The following SLC7A2 variants were observed in gnomAD, a reference collection of about 807,000 sequenced individuals.
SLC7A2 encodes solute carrier family 7 member 2.
SLC7A2 carries 48 observed loss-of-function variants against 58.9 expected under a neutral mutation model. The ratio of observed to expected loss-of-function variants is 0.82; its 90% CI spans 0.65 to 1.04. The LOEUF (loss-of-function observed/expected upper bound fraction) is 1.04, where lower values mean the gene tolerates loss of function less well. SLC7A2 is among the 50% of genes least tolerant of loss of function. The pLI is 0.00. For missense variants in SLC7A2, 1,029 were observed against 818.8 expected (o/e 1.26, Z -3.13); for synonymous variants, 363 against 314.5 (o/e 1.15, Z -1.63).
chr8:17,505,760 T>G (rs552995303), intron 2 of SLC7A2, among the ~76,000 whole-genome samples: 2 of 152,332 alleles, frequency 1.3e-5, no homozygotes, highest in East Asian at 3.9e-4. Context: ...AAATCTAATC[T>G]TGCCAGTTCA....
intron 2 of SLC7A2, 83 bp from the exon 3 acceptor site, chr8:17,543,235 C>A: frequency 7.9e-7 from 1 of 1,262,762 alleles, no homozygotes; most frequent in African/African-American, 1.5e-5. Context: ...CACACACATA[C>A]TCTAATTGTG....
chr8:17,502,637 T>A (rs1043260395), intron 2 of SLC7A2, among the ~76,000 whole-genome samples: 1 of 152,190 alleles, frequency 6.6e-6, no homozygotes, highest in Non-Finnish European at 1.5e-5. Flanking sequence ...TTTTTGATAA[T>A]CATTCCTGAG....
chr8:17,556,918 C>T (rs1350046437), intron 8 of SLC7A2, among the ~76,000 whole-genome samples: 2 of 152,056 alleles, frequency 1.3e-5, no homozygotes, highest in Non-Finnish European at 2.9e-5. Context: ...AAAGAATTTT[C>T]AAAGTGAGGC....
chr8:17,524,434 A>T lies in SLC7A2; in HGVS notation c.-22-18884A>T, dbSNP rs1186814015. On this transcript the variant is annotated intron_variant, in intron 2 of 12. Transcript: ENST00000494857. The stretch of plus-strand genomic sequence containing the variant: ...TGTGTGTGTGTGTACACACACACAC[A>T]CACACACACACACACACACACACCA... Among the ~76,000 whole-genome samples, 3 of 151,524 alleles carry T rather than the reference A, an allele frequency of 2.0e-5. No individual in the cohort carries two copies. In the East Asian group the frequency reaches 5.8e-4, roughly 29 times the overall value.
intron 1 of SLC7A2, among the ~76,000 whole-genome samples, chr8:17,497,636 CGGGT>C (rs1800006060): frequency 6.6e-6 from 1 of 152,184 alleles, no homozygotes; most frequent in East Asian, 1.9e-4. Flanking sequence ...CACCCCTCTC[CGGGT>C]GGGCAGGCTG....
intron 2 of SLC7A2, chr8:17,538,727 G>A: frequency 6.8e-7 from 1 of 1,461,796 alleles, no homozygotes; most frequent in South Asian, 1.2e-5. Flanking sequence ...AAACAGTATG[G>A]TAAAGATCCC....
rs1391677892 is a variant in SLC7A2, at chr8:17,569,238, A to G, written c.*4092A>G. On this transcript the variant is annotated 3_prime_UTR_variant, in exon 13 of 13. Transcript: ENST00000494857. The stretch of plus-strand genomic sequence containing the variant: ...CTCATGATTTCTCCTAATACGCTTC[A>G]AGCAACTGTTACCACAAAAAATACA... The G allele has an allele frequency of 6.6e-6, 1 of 152,174 alleles. No homozygotes were observed. The highest frequency in any genetic ancestry group is 2.4e-5 in the African/African-American group (1 of 41,444). The allele number at this position is 152,174 out of a possible 1,614,324, so 9.4% of individuals were successfully genotyped here.
intron 2 of SLC7A2, among the ~76,000 whole-genome samples, chr8:17,522,675 G>T (rs1801062410): frequency 6.6e-6 from 1 of 152,024 alleles, no homozygotes; most frequent in Admixed American, 6.6e-5. Context: ...AGCATACTAG[G>T]GTCAAATTCT....
Position 17,554,714 on chromosome 8 carries a change from A to C in SLC7A2, c.1195+15A>C. 6.3e-7 allele frequency: 1 copy of C among 1,598,364 alleles called. No individual in the cohort carries two copies. The highest frequency in any genetic ancestry group is 8.5e-7 in the Non-Finnish European group (1 of 1,174,078). On this transcript the variant is annotated intron_variant, in intron 8 of 12. Coordinates refer to ENST00000494857, the MANE Select transcript of SLC7A2 (RefSeq NM_001370338.1). ...TGCAGTGGCAGGTGAGAGAGAGTTG[A>C]CTTTTCTTCAGAAACGGGGGATCTT...
intron 1 of SLC7A2, among the ~76,000 whole-genome samples, chr8:17,498,261 C>G (rs1168115248): frequency 6.6e-6 from 1 of 152,176 alleles, no homozygotes; most frequent in Admixed American, 6.5e-5. Context: ...AATAAGAGCT[C>G]TCTGAATCCC....
intron 2 of SLC7A2, among the ~76,000 whole-genome samples, chr8:17,507,521 A>T (rs1254089628): frequency 6.6e-6 from 1 of 152,084 alleles, no homozygotes; most frequent in African/African-American, 2.4e-5. Context: ...GCCTTTTTAA[A>T]TTTTTTGAAG....
chr8:17,536,180 C>T (rs1801657447), intron 2 of SLC7A2, among the ~76,000 whole-genome samples: 1 of 151,824 alleles, frequency 6.6e-6, no homozygotes, highest in African/African-American at 2.4e-5. Context: ...GGGGCCCTGA[C>T]TAGCTCTTAC....
chr8:17,524,016 T>C (rs1801122511), intron 2 of SLC7A2, among the ~76,000 whole-genome samples: 1 of 152,144 alleles, frequency 6.6e-6, no homozygotes, highest in Non-Finnish European at 1.5e-5. Flanking sequence ...TCAACATCAC[T>C]AATTATCAGG....
At chr8:17,554,447 G>C (rs1455184710) in intron 7 of SLC7A2, 113 bp from the exon 8 acceptor site, 6 of 791,208 alleles carry the variant, frequency 7.6e-6, no homozygotes, top group Non-Finnish European at 1.1e-5. Context: ...TAAATAATAT[G>C]ACTTCATAAT....
intron 2 of SLC7A2, among the ~76,000 whole-genome samples, chr8:17,536,062 A>G (rs13268741): frequency 0.37 from 55,622 of 151,164 alleles, 10,345 homozygotes; most frequent in Middle Eastern, 0.44. Flanking sequence ...CCTCCATTAC[A>G]TGAATTATCG....
At position 17,560,368 on chromosome 8, in the gene SLC7A2, C is replaced by A. The variant is rs367895228; in HGVS notation, c.1339C>A (p.Pro447Thr). Residue 447 changes from proline to threonine, a missense_variant, in exon 10 of 13, where the codon CCT becomes ACT. Pro to Thr is a conservative substitution (Grantham distance 38). Transcript: ENST00000494857. ...GLSYDQPKCS[P>T]EKDGLGSSPR... Reference sequence around the variant, plus strand: ...ATCTTACGACCAGCCCAAATGTTCTCCTGAGAAAGATGGTCTGGGATCGTC... The same window carrying A: ...ATCTTACGACCAGCCCAAATGTTCTACTGAGAAAGATGGTCTGGGATCGTC... The A allele has an allele frequency of 6.4e-5, 103 of 1,613,994 alleles. No individual in the cohort carries two copies. The highest frequency in any genetic ancestry group is 8.1e-5 in the Non-Finnish European group (96 of 1,180,004).
chr8:17,557,093 G>T (rs1802742991), intron 8 of SLC7A2, among the ~76,000 whole-genome samples: 1 of 152,148 alleles, frequency 6.6e-6, no homozygotes, highest in African/African-American at 2.4e-5. Flanking sequence ...TGAGTTTGGG[G>T]TCAAAAATTG....
chr8:17,512,611 C>T (rs1800650932), intron 2 of SLC7A2, among the ~76,000 whole-genome samples: 1 of 106,624 alleles, frequency 9.4e-6, no homozygotes, highest in Non-Finnish European at 2.4e-5. Context: ...TTTCTTATCC[C>T]TCATGGTGGG....
rs116891263 is a variant in SLC7A2 at position 17,567,664 on chromosome 8, A to G, written c.*2518A>G. On this transcript the variant is annotated 3_prime_UTR_variant, in exon 13 of 13. Transcript: ENST00000494857. ...TGTCATTAGGTGGGTACAAAACCCAACTGATGTGGAGAAAAATTGATGTTT... is the reference window on the plus strand; with the variant it reads ...TGTCATTAGGTGGGTACAAAACCCAGCTGATGTGGAGAAAAATTGATGTTT... The G allele has an allele frequency of 0.021, 3,221 of 152,660 alleles. 80 individuals carry two copies. Among genetic ancestry groups the G allele is most frequent in the East Asian group, 0.04 (207 of 5,182 alleles). 9.5% of individuals were successfully genotyped at this position (152,660 alleles called of 1,614,324 possible).
Sources: allele counts gnomAD v4.1 joint callset (sites outside exome capture counted in the v4.1 genomes callset), GRCh38; gene constraint gnomAD v4.1.1; transcripts MANE v1.5; gene names NCBI Gene and HGNC (gene_info 2026-07-23, HGNC 2026-07-21).